Variants in IGSF11 observed in about 807,000 individuals in gnomAD.
The protein encoded by IGSF11 is CXADR like 1.
Under a neutral mutation model 41.0 loss-of-function variants are expected in IGSF11, and 22 were observed. That is an observed-to-expected ratio of 0.54 (90% CI 0.38 to 0.77). The LOEUF (loss-of-function observed/expected upper bound fraction) is 0.77. Among genes scored for constraint, IGSF11 ranks in the 30% least tolerant of loss-of-function variants. The pLI is 0.00. For missense variants in IGSF11, 444 were observed against 530.8 expected (o/e 0.84, Z 1.61); for synonymous variants, 219 against 201.3 (o/e 1.09, Z -0.74).
rs1007718336 is a variant in IGSF11 at position 118,918,981 on chromosome 3, C to T, written c.580+7120G>A. Reference sequence around the variant, plus strand: ...ATACCTACAACTATCTGATCTTTGACAAACCTGAGAAAAACAAGCAATGGG... The same window carrying T: ...ATACCTACAACTATCTGATCTTTGATAAACCTGAGAAAAACAAGCAATGGG... On this transcript the variant is annotated intron_variant, in intron 4 of 6. Transcript: ENST00000393775. 4.3e-5 allele frequency among the ~76,000 whole-genome samples: 5 copies of T among 115,202 alleles called. 2 individuals are homozygous for T. Among genetic ancestry groups the T allele is most frequent in the Non-Finnish European group, 8.1e-5 (5 of 61,922 alleles). 75.6% of individuals were successfully genotyped at this position (115,202 alleles called of 152,430 possible).
At chr3:118,911,663 G>A (rs150265313) in intron 4 of IGSF11, among the ~76,000 whole-genome samples, 8 of 150,586 alleles carry the variant, frequency 5.3e-5, no homozygotes, top group Non-Finnish European at 1.0e-4. Context: ...GAGAGAGAGA[G>A]AACAAAGAGG....
At chr3:119,022,206 T>C (rs1250308089) in intron 1 of IGSF11, among the ~76,000 whole-genome samples, 1 of 152,204 alleles carries the variant, frequency 6.6e-6, no homozygotes, top group Admixed American at 6.5e-5. Flanking sequence ...ATAATTCTAC[T>C]TATATGAGGT....
At chr3:118,911,218 C>A (rs1940236010) in intron 4 of IGSF11, among the ~76,000 whole-genome samples, 2 of 151,826 alleles carry the variant, frequency 1.3e-5, no homozygotes, top group South Asian at 4.1e-4. Flanking sequence ...AGAGGAAGTA[C>A]TGAACACTAT....
At chr3:118,988,168 T>C (rs1015430552) in intron 1 of IGSF11, among the ~76,000 whole-genome samples, 2 of 152,150 alleles carry the variant, frequency 1.3e-5, no homozygotes, top group Non-Finnish European at 2.9e-5. Context: ...TACAGTATAC[T>C]GTAGGAGGAA....
At chr3:119,000,527 C>CTT (rs3974748) in intron 1 of IGSF11, among the ~76,000 whole-genome samples, 14 of 145,984 alleles carry the variant, frequency 9.6e-5, no homozygotes, top group African/African-American at 2.3e-4. Flanking sequence ...CTTGACTATT[C>CTT]TTTTTTTTTT....
chr3:119,047,370 T>C (rs1941403693), intron 1 of IGSF11, among the ~76,000 whole-genome samples: 1 of 152,088 alleles, frequency 6.6e-6, no homozygotes, highest in Non-Finnish European at 1.5e-5. Context: ...AAACAGACTT[T>C]AAACCAACAA....
intron 1 of IGSF11, among the ~76,000 whole-genome samples, chr3:119,092,547 C>T (rs1393785101): frequency 6.6e-6 from 1 of 152,110 alleles, no homozygotes; most frequent in East Asian, 1.9e-4. Flanking sequence ...TCATGCTGGT[C>T]TTGAACTCCT....
chr3:118,956,263 C>T (rs141449672), intron 1 of IGSF11, among the ~76,000 whole-genome samples: 110 of 152,324 alleles, frequency 7.2e-4, no homozygotes, highest in African/African-American at 2.3e-3. Context: ...AGCCATAAGG[C>T]TGTTTCACTC....
At chr3:119,057,520 T>C (rs1172324266) in intron 1 of IGSF11, among the ~76,000 whole-genome samples, 2 of 152,192 alleles carry the variant, frequency 1.3e-5, no homozygotes, top group East Asian at 1.9e-4. Context: ...GTAGGAAGAA[T>C]TGATATCATG....
chr3:119,038,656 A>G (rs1460001801), upstream of IGSF11, among the ~76,000 whole-genome samples: 1 of 152,198 alleles, frequency 6.6e-6, no homozygotes, highest in Non-Finnish European at 1.5e-5. Context: ...AGCATTTTGT[A>G]TGTCACCTGA....
intron 1 of IGSF11, among the ~76,000 whole-genome samples, chr3:119,110,600 A>C (rs1397873747): frequency 1.3e-5 from 2 of 152,132 alleles, no homozygotes; most frequent in Non-Finnish European, 2.9e-5. Flanking sequence ...ATTTAAAGTT[A>C]ATATTGTTAT....
chr3:118,997,664 A>G (rs1936408675), intron 1 of IGSF11, among the ~76,000 whole-genome samples: 1 of 151,922 alleles, frequency 6.6e-6, no homozygotes, highest in African/African-American at 2.4e-5. Context: ...AGAAGCCTGT[A>G]TTCTGACAAC....
At chr3:119,084,327 C>T (rs1016163141) in intron 1 of IGSF11, among the ~76,000 whole-genome samples, 2 of 152,038 alleles carry the variant, frequency 1.3e-5, no homozygotes, top group African/African-American at 4.8e-5. Context: ...TGGTTTCCTG[C>T]CTCCAACTGC....
upstream of IGSF11, among the ~76,000 whole-genome samples, chr3:119,107,159 C>A (rs944560186): frequency 1.3e-5 from 2 of 152,212 alleles, no homozygotes; most frequent in African/African-American, 4.8e-5. Flanking sequence ...TGAGGAATCA[C>A]CACACTGACT....
intron 1 of IGSF11, among the ~76,000 whole-genome samples, chr3:119,046,800 G>C (rs529852383): frequency 5.9e-5 from 9 of 151,628 alleles, no homozygotes; most frequent in Non-Finnish European, 8.8e-5. Flanking sequence ...CGGATCTCTC[G>C]GCAGAAACCC....
At chr3:119,128,563 A>G (rs191576120) in intron 1 of IGSF11, among the ~76,000 whole-genome samples, 36 of 152,302 alleles carry the variant, frequency 2.4e-4, no homozygotes, top group Admixed American at 2.2e-3. Flanking sequence ...GAAATTTGCC[A>G]AACAAATAAA....
At chr3:119,053,596 G>C (rs1376008709) in intron 1 of IGSF11, among the ~76,000 whole-genome samples, 1 of 152,082 alleles carries the variant, frequency 6.6e-6, no homozygotes, top group Admixed American at 6.5e-5. Flanking sequence ...ACTGCCAAAA[G>C]CAATCTATAA....
At chr3:119,038,771 T>C (rs1191890026), upstream of IGSF11, among the ~76,000 whole-genome samples, 7 of 152,208 alleles carry the variant, frequency 4.6e-5, no homozygotes, top group African/African-American at 1.7e-4. Context: ...ATTAATTCAC[T>C]TGATTTTATA....
At chr3:119,142,014 G>T (rs1276149119) in intron 1 of IGSF11, among the ~76,000 whole-genome samples, 1 of 152,056 alleles carries the variant, frequency 6.6e-6, no homozygotes, top group East Asian at 1.9e-4. Context: ...GGTGGCTCAC[G>T]CTTGTAATCC....
Sources: allele counts gnomAD v4.1 joint callset (sites outside exome capture counted in the v4.1 genomes callset), GRCh38; gene constraint gnomAD v4.1.1; transcripts MANE v1.5; gene names NCBI Gene and HGNC (gene_info 2026-07-23, HGNC 2026-07-21).